The following CEP164 variants were observed in gnomAD, a reference collection of about 807,000 sequenced individuals.
CEP164 encodes the protein centrosomal protein of 164 kDa.
CEP164 carries 162 observed loss-of-function variants against 182.7 expected under a neutral mutation model. The ratio of observed to expected loss-of-function variants is 0.89; its 90% CI spans 0.78 to 1.01. CEP164 has a LOEUF of 1.01. Among genes scored for constraint, CEP164 ranks in the 50% least tolerant of loss-of-function variants. The pLI is 0.00. For synonymous variants in CEP164, 661 were observed against 690.0 expected (o/e 0.96, Z 0.66); for missense variants, 1,735 against 1,790.4 (o/e 0.97, Z 0.56).
rs1419897871 is a variant in CEP164, at chr11:117,373,793, G to T, written c.1195G>T (p.Asp399Tyr). Residue 399 changes from aspartate (D) to tyrosine (Y), a missense_variant, in exon 10 of 33, where the codon GAC (aspartate) becomes TAC (tyrosine). Coordinates refer to ENST00000278935, the MANE Select transcript of CEP164 (RefSeq NM_014956.5). ...ACACATGAAGGAACCACAGCTCTCA[G>T]ACTCCATAGCTTCTGACCCCAAGTC... ...SEHMKEPQLS[D>Y]SIASDPKSFH... The T allele has an allele frequency of 6.2e-7, 1 of 1,614,220 alleles. No homozygotes were observed. Among genetic ancestry groups the T allele is most frequent in the South Asian group, 1.1e-5 (1 of 91,080 alleles).
upstream of CEP164, among the ~76,000 whole-genome samples, chr11:117,322,981 G>T (rs1393626813): frequency 1.3e-5 from 2 of 152,000 alleles, no homozygotes; most frequent in Non-Finnish European, 2.9e-5. Flanking sequence ...GCCCAGGCTG[G>T]TCTCGAACTC....
At chr11:117,364,107 T>G (rs181634805) in intron 8 of CEP164, 1 of 152,172 alleles carries the variant, frequency 6.6e-6, no homozygotes, top group Admixed American at 6.5e-5. Context: ...CTACCATGTA[T>G]CCTTTGTTTA....
intron 27 of CEP164, 106 bp downstream of exon 27, chr11:117,397,419 A>G: frequency 1.8e-6 from 2 of 1,081,462 alleles, no homozygotes; most frequent in Admixed American, 2.7e-5. Context: ...TCGGGACTCC[A>G]TGAGAGTGGC....
Position 117,338,680 on chromosome 11 carries a change from G to T in CEP164, c.82+12G>T. 6.3e-7 allele frequency: 1 copy of T among 1,590,300 alleles called. No individual in the cohort carries two copies. Among genetic ancestry groups the T allele is most frequent in the African/African-American group, 1.3e-5 (1 of 74,566 alleles). ...TCCTAGTGAGCAAGGTAACAAGTCT[G>T]TGAAGAGGCCTGTGGTGTATTGTGT... On this transcript the variant is annotated intron_variant, in intron 3 of 32. Transcript: ENST00000278935.
At chr11:117,355,710 C>T in intron 5 of CEP164, 1 of 1,183,842 alleles carries the variant, frequency 8.4e-7, no homozygotes, top group Non-Finnish European at 1.1e-6. Flanking sequence ...AGGAGAGAAC[C>T]TCCTGGACTG....
In CEP164 at chr11:117,344,255, C is replaced by T; in HGVS notation, c.172C>T (p.Leu58=). 1.2e-6 allele frequency: 2 copies of T among 1,613,024 alleles called. No individual in the cohort carries two copies. The highest frequency in any genetic ancestry group is 1.7e-6 in the Non-Finnish European group (2 of 1,179,500). ...WLAREGIVAP[L]PGEWKPCQDI... ...GGCGCGAGAGGGCATCGTGGCCCCA[C>T]TGCCTGGAGAGTGGAAACCATGGTA... Residue 58 remains leucine (L), a synonymous_variant, in exon 4 of 33, where the codon CTG becomes TTG. Transcript: ENST00000278935.
chr11:117,336,620 G>T, intron 2 of CEP164: 1 of 1,253,010 alleles, frequency 8.0e-7, no homozygotes, highest in Non-Finnish European at 1.2e-6. Flanking sequence ...GTCTGGCATT[G>T]GGATTCCACA....
At chr11:117,406,517 A>C (rs567781149) in intron 27 of CEP164, among the ~76,000 whole-genome samples, 326 of 152,312 alleles carry the variant, frequency 2.1e-3, no homozygotes, top group Admixed American at 4.2e-3. Context: ...TAATAGTCCC[A>C]TTTTCCTGGT....
chr11:117,378,857 C>G (rs188510136), intron 11 of CEP164, among the ~76,000 whole-genome samples: 1 of 152,334 alleles, frequency 6.6e-6, no homozygotes, highest in Non-Finnish European at 1.5e-5. Flanking sequence ...GGTCTGCAGC[C>G]AGCCCTCCTG....
rs748793307 is a variant in CEP164 at position 117,397,244 on chromosome 11, T to A, written c.3432T>A (p.Ser1144Arg). Residue 1144 changes from serine to arginine, a missense_variant, in exon 27 of 33, where the codon AGT becomes AGA. Coordinates refer to ENST00000278935, the MANE Select transcript of CEP164 (RefSeq NM_014956.5). The stretch of plus-strand genomic sequence containing the variant: ...AGCATTGGCGCCATGAGCTGGCCAG[T>A]GCGCAGGAGGTGGCCAAAGACCCAC... ...AQQHWRHELA[S>R]AQEVAKDPPG... The A allele has an allele frequency of 1.2e-6, 2 of 1,614,046 alleles. No homozygotes were observed. Among genetic ancestry groups the A allele is most frequent in the African/African-American group, 2.7e-5 (2 of 74,934 alleles).
In CEP164 at chr11:117,394,324, C is replaced by T. The variant is rs1455768184; in HGVS notation, c.2617-26C>T. On this transcript the variant is annotated intron_variant, in intron 20 of 32. Coordinates refer to ENST00000278935, the MANE Select transcript of CEP164 (RefSeq NM_014956.5). The surrounding 1 kb of genome is among the most constrained non-coding windows in gnomAD (Gnocchi z 4.0). ...GGTAGAAGGGGCTGCCGCAGCTTCC[C>T]ACCGGTGGGCCCACCCTCCTTGCAG... The T allele has an allele frequency of 6.4e-7, 1 of 1,573,674 alleles. No individual in the cohort carries two copies. Among genetic ancestry groups the T allele is most frequent in the Admixed American group, 1.9e-5 (1 of 52,634 alleles).
intron 10 of CEP164, 68 bp downstream of exon 10, chr11:117,373,899 T>C: frequency 7.3e-7 from 1 of 1,372,022 alleles, no homozygotes; most frequent in Non-Finnish European, 1.0e-6. Flanking sequence ...CAGGGTTAAG[T>C]AATTTGCCTA....
intron 27 of CEP164, among the ~76,000 whole-genome samples, chr11:117,403,445 A>G (rs1469850510): frequency 6.6e-6 from 1 of 152,066 alleles, no homozygotes; most frequent in Non-Finnish European, 1.5e-5. Flanking sequence ...TTGGCTGGAT[A>G]TGAAATTCTT....
At chr11:117,361,503 G>C (rs920205648) in intron 5 of CEP164, among the ~76,000 whole-genome samples, 5 of 152,020 alleles carry the variant, frequency 3.3e-5, no homozygotes, top group Admixed American at 1.3e-4. Context: ...GCCTCCCAAA[G>C]TGGTAGGATT....
At chr11:117,370,781 C>T (rs2042123346) in intron 8 of CEP164, among the ~76,000 whole-genome samples, 1 of 152,088 alleles carries the variant, frequency 6.6e-6, no homozygotes, top group East Asian at 1.9e-4. Flanking sequence ...TGTGGTGGCA[C>T]ACACCTGTAG....
At chr11:117,381,967 T>C (rs1362702920) in intron 13 of CEP164, 99 bp downstream of exon 13, 5 of 1,067,440 alleles carry the variant, frequency 4.7e-6, no homozygotes, top group African/African-American at 3.4e-5. Flanking sequence ...GGGGGTGGGG[T>C]TGGCTTGGGG....
intron 2 of CEP164, among the ~76,000 whole-genome samples, chr11:117,335,989 T>G (rs937052145): frequency 7.2e-5 from 11 of 152,206 alleles, no homozygotes; most frequent in Non-Finnish European, 1.5e-4. Context: ...ATTAGCTATC[T>G]GATCTATCCA....
intron 20 of CEP164, 79 bp downstream of exon 20, chr11:117,393,205 ACACATGCACG>A (rs1225035329): frequency 9.0e-6 from 14 of 1,550,890 alleles, no homozygotes; most frequent in African/African-American, 1.4e-5. Flanking sequence ...ACATGCACAC[ACACATGCACG>A]CACATGCACA....
upstream of CEP164, among the ~76,000 whole-genome samples, chr11:117,323,327 A>G (rs1315421634): frequency 2.0e-5 from 3 of 150,590 alleles, no homozygotes; most frequent in Admixed American, 2.0e-4. Flanking sequence ...TTAATTCCAC[A>G]TGACTGAGAT....
Sources: gnomAD v4.1 joint callset for allele counts (sites outside exome capture counted in the v4.1 genomes callset) on GRCh38, gnomAD v4.1.1 for gene constraint, Gnocchi (gnomAD v3.1) non-coding constraint, MANE v1.5 for transcripts, NCBI Gene and HGNC (gene_info 2026-07-23, HGNC 2026-07-21) for gene names.